The following AGTPBP1 variants were observed in gnomAD, a reference collection of about 807,000 sequenced individuals.
AGTPBP1 encodes the protein cytosolic carboxypeptidase 1.
In AGTPBP1, 70 loss-of-function variants were observed where a neutral mutation model predicts 143.9. The ratio of observed to expected loss-of-function variants is 0.49; its 90% CI spans 0.40 to 0.59. The LOEUF (loss-of-function observed/expected upper bound fraction) is 0.59. Among genes scored for constraint, AGTPBP1 ranks in the 20% least tolerant of loss-of-function variants. The pLI is 0.00. For missense variants in AGTPBP1, 1,229 were observed against 1,464.5 expected, an observed-to-expected ratio of 0.84 and a Z score of 2.62; for synonymous variants, 463 against 500.2, an observed-to-expected ratio of 0.93 and a Z score of 0.99.
At chr9:85,604,945 G>GA (rs948294155) in intron 17 of AGTPBP1, among the ~76,000 whole-genome samples, 33 of 151,252 alleles carry the variant, frequency 2.2e-4, no homozygotes, top group African/African-American at 6.6e-4. Context: ...GAAGACAAAA[G>GA]AAAAAAAAGA....
At chr9:85,786,388 A>G in the AGTPBP1 span, 1 of 1,614,130 alleles carries the variant, frequency 6.2e-7, no homozygotes, top group South Asian at 1.1e-5. Context: ...GTCGACTGTC[A>G]TCCCAAATTC....
intron 9 of AGTPBP1, among the ~76,000 whole-genome samples, chr9:85,658,748 T>C (rs1390420842): frequency 6.6e-6 from 1 of 152,102 alleles, no homozygotes; most frequent in Non-Finnish European, 1.5e-5. Context: ...ATTAATTCCC[T>C]TTCAGAACTA....
chr9:85,705,454 G>A (rs1836924265), intron 2 of AGTPBP1, among the ~76,000 whole-genome samples: 1 of 151,926 alleles, frequency 6.6e-6, no homozygotes, highest in Non-Finnish European at 1.5e-5. Flanking sequence ...AGGCAAGAGG[G>A]CAGCTTGAAA....
chr9:85,562,481 GTAA>G (rs1826804360), intron 25 of AGTPBP1, among the ~76,000 whole-genome samples: 1 of 152,192 alleles, frequency 6.6e-6, no homozygotes, highest in Admixed American at 6.5e-5. Flanking sequence ...TGTCAAATTT[GTAA>G]TATTAACTCA....
intron 25 of AGTPBP1, among the ~76,000 whole-genome samples, chr9:85,556,051 G>C (rs1826319036): frequency 6.6e-6 from 1 of 152,110 alleles, no homozygotes; most frequent in African/African-American, 2.4e-5. Context: ...TAGTACCCAG[G>C]CGAGGAAATA....
chr9:85,550,674 C>T lies in AGTPBP1; in HGVS notation c.3504-3388G>A, dbSNP rs147040603. Among the ~76,000 whole-genome samples, 144 of 152,290 alleles carry T rather than the reference C, an allele frequency of 9.5e-4. 1 individual carries two copies. In the Middle Eastern group the frequency reaches 0.024, roughly 25 times the overall value. ...CAGATATAGTCCCATGACCGTCTCA[C>T]GTGCACCTCAAATGTAGCATCTGGA... On this transcript the variant is annotated intron_variant, in intron 25 of 25. Transcript: ENST00000357081.
intron 25 of AGTPBP1, among the ~76,000 whole-genome samples, chr9:85,571,069 CTTTA>C: frequency 6.6e-6 from 1 of 152,288 alleles, no homozygotes; most frequent in East Asian, 1.9e-4. Context: ...TTATGTCTGT[CTTTA>C]TTTGAGCATG....
intron 20 of AGTPBP1, among the ~76,000 whole-genome samples, chr9:85,589,138 T>A (rs905196260): frequency 8.5e-5 from 13 of 152,188 alleles, no homozygotes; most frequent in African/African-American, 3.1e-4. Flanking sequence ...TGAATAACTA[T>A]TCTGTGCTAG....
At chr9:85,556,341 C>T (rs1295194263) in intron 25 of AGTPBP1, among the ~76,000 whole-genome samples, 2 of 151,360 alleles carry the variant, frequency 1.3e-5, no homozygotes. Flanking sequence ...AAAAGAACAG[C>T]AAAAGAGAAT....
chr9:85,771,459 A>G, the AGTPBP1 span, among the ~76,000 whole-genome samples: 2 of 152,230 alleles, frequency 1.3e-5, no homozygotes, highest in Admixed American at 1.3e-4. Flanking sequence ...GGGGCAACAG[A>G]GCAACAGCCT....
At chr9:85,551,212 T>C (rs1000860529) in intron 25 of AGTPBP1, among the ~76,000 whole-genome samples, 9 of 152,242 alleles carry the variant, frequency 5.9e-5, no homozygotes, top group African/African-American at 2.2e-4. Flanking sequence ...CTTCATAAAT[T>C]ACCCGGTCTC....
intron 14 of AGTPBP1, among the ~76,000 whole-genome samples, chr9:85,624,396 A>G (rs975556030): frequency 2.0e-5 from 3 of 152,242 alleles, no homozygotes; most frequent in African/African-American, 7.2e-5. Flanking sequence ...AATAAGAAAA[A>G]TAATAGCACC....
intron 11 of AGTPBP1, 90 bp downstream of exon 11, chr9:85,655,053 G>T: frequency 8.4e-7 from 1 of 1,183,436 alleles, no homozygotes; most frequent in Non-Finnish European, 1.1e-6. Flanking sequence ...GCCTTCCTTT[G>T]CTGAGGAGTT....
At chr9:85,606,738 T>C (rs1830012119) in intron 17 of AGTPBP1, among the ~76,000 whole-genome samples, 1 of 152,152 alleles carries the variant, frequency 6.6e-6, no homozygotes, top group South Asian at 2.1e-4. Flanking sequence ...AATGAAATCA[T>C]GTCCTTTGCA....
chr9:85,661,855 T>C (rs951834186), intron 8 of AGTPBP1, among the ~76,000 whole-genome samples: 1 of 152,176 alleles, frequency 6.6e-6, no homozygotes, highest in Non-Finnish European at 1.5e-5. Context: ...TTAATTTGCA[T>C]TAAAATTGTG....
Position 85,657,571 on chromosome 9 carries a change from C to A in AGTPBP1, c.773G>T (p.Arg258Leu). Residue 258 changes from arginine to leucine, a missense_variant, in exon 10 of 26, where the codon CGC becomes CTC. Transcript: ENST00000357081. ...VLLTIYVDWH[R>L]HDNRHRNMLI... ...CATGTTTCTATGCCGGTTATCATGG[C>A]GGTGCCAATCTACATAAATTGTTAA... 6.2e-7 allele frequency: 1 copy of A among 1,613,970 alleles called. No individual in the cohort carries two copies. Among genetic ancestry groups the A allele is most frequent in the South Asian group, 1.1e-5 (1 of 91,080 alleles).
chr9:85,765,763 G>A, the AGTPBP1 span, among the ~76,000 whole-genome samples: 1 of 152,316 alleles, frequency 6.6e-6, no homozygotes, highest in Admixed American at 6.5e-5. Flanking sequence ...GGTGAATCTT[G>A]TAGTGTTTTA....
intron 19 of AGTPBP1, 75 bp from the exon 20 acceptor site, chr9:85,589,756 A>T (rs993787031): frequency 1.5e-6 from 2 of 1,343,962 alleles, no homozygotes; most frequent in Non-Finnish European, 2.0e-6. Flanking sequence ...ATGCATCCAG[A>T]TCTCCACATA....
chr9:85,604,313 G>C (rs1439477804), intron 17 of AGTPBP1, among the ~76,000 whole-genome samples: 1 of 152,212 alleles, frequency 6.6e-6, no homozygotes, highest in Non-Finnish European at 1.5e-5. Flanking sequence ...AAGAGAACAA[G>C]AGCCTCTGCC....
Sources: allele counts gnomAD v4.1 joint callset (sites outside exome capture counted in the v4.1 genomes callset), GRCh38; gene constraint gnomAD v4.1.1; transcripts MANE v1.5; gene names NCBI Gene and HGNC (gene_info 2026-07-23, HGNC 2026-07-21).